The following PBX1 variants were observed in gnomAD, a reference collection of about 807,000 sequenced individuals.
PBX1 encodes the protein pre-B-cell leukemia transcription factor 1.
In PBX1, 6 loss-of-function variants were observed where a neutral mutation model predicts 53.4. That is an observed-to-expected ratio of 0.11 (90% CI 0.06 to 0.22). PBX1 has a LOEUF of 0.22. Ranked by LOEUF, PBX1 falls within the 10% of genes least tolerant of loss-of-function variation. The pLI, the probability that PBX1 is intolerant of heterozygous loss-of-function variation, is 1.00. For synonymous variants in PBX1, 204 were observed against 212.3 expected (o/e 0.96, Z 0.34); for missense variants, 251 against 551.4 (o/e 0.46, Z 5.46).
rs1671688248 is a variant in PBX1, at chr1:164,848,725, C to T, written c.*2049C>T. ...TACTTGGTCCCTGTCACATTGACTGCTTGGGAGGCTTCCAGGGAGAAGTAT... is the reference window on the plus strand; with the variant it reads ...TACTTGGTCCCTGTCACATTGACTGTTTGGGAGGCTTCCAGGGAGAAGTAT... On this transcript the variant is annotated 3_prime_UTR_variant, in exon 9 of 9. Coordinates refer to ENST00000420696, the MANE Select transcript of PBX1 (RefSeq NM_002585.4). The T allele has an allele frequency of 1.9e-6, 2 of 1,057,248 alleles. No homozygotes were observed. Among genetic ancestry groups the T allele is most frequent in the Non-Finnish European group, 2.3e-6 (2 of 874,252 alleles). 65.5% of individuals were successfully genotyped at this position (1,057,248 alleles called of 1,614,324 possible). A position where few individuals can be genotyped will look rare whatever the true frequency, so the allele number is the denominator to read the frequency against.
At chr1:164,610,755 C>G (rs1179035791) in intron 2 of PBX1, among the ~76,000 whole-genome samples, 3 of 152,184 alleles carry the variant, frequency 2.0e-5, no homozygotes, top group African/African-American at 7.2e-5. Context: ...GTGCTTGGCC[C>G]TCCTGCCAAA....
chr1:164,667,995 T>C (rs538598518), intron 2 of PBX1, among the ~76,000 whole-genome samples: 1 of 152,134 alleles, frequency 6.6e-6, no homozygotes, highest in African/African-American at 2.4e-5. Flanking sequence ...CCCTCCAGAG[T>C]GGGTGGAGTG....
At chr1:164,621,922 C>G (rs112510470) in intron 2 of PBX1, among the ~76,000 whole-genome samples, 7 of 151,988 alleles carry the variant, frequency 4.6e-5, no homozygotes, top group Non-Finnish European at 8.8e-5. Flanking sequence ...ACACTAAATA[C>G]GTTCTATAAA....
intron 4 of PBX1, among the ~76,000 whole-genome samples, chr1:164,800,444 T>C (rs1669015152): frequency 6.6e-6 from 1 of 152,186 alleles, no homozygotes; most frequent in East Asian, 1.9e-4. Context: ...GCCAACTTGG[T>C]TTGATGGTTT....
At chr1:164,759,054 C>G (rs139540344) in intron 2 of PBX1, among the ~76,000 whole-genome samples, 83 of 152,332 alleles carry the variant, frequency 5.4e-4, no homozygotes, top group African/African-American at 1.7e-3. Context: ...TCATAATACT[C>G]TCTTGATCCC....
chr1:164,756,189 T>G (rs1367276516), intron 2 of PBX1, among the ~76,000 whole-genome samples: 1 of 152,074 alleles, frequency 6.6e-6, no homozygotes, highest in Non-Finnish European at 1.5e-5. Flanking sequence ...CATTGTCATA[T>G]TATATGAATA....
intron 8 of PBX1, among the ~76,000 whole-genome samples, chr1:164,825,582 A>C (rs1670417063): frequency 6.6e-6 from 1 of 152,238 alleles, no homozygotes. Flanking sequence ...ACTGTCTTTA[A>C]GATCCAAAAA....
chr1:164,730,282 G>A (rs1664907076), intron 2 of PBX1, among the ~76,000 whole-genome samples: 1 of 151,322 alleles, frequency 6.6e-6, no homozygotes, highest in Admixed American at 6.6e-5. Flanking sequence ...GACTGGTGCA[G>A]ATCAGTTACC....
At chr1:164,820,267 C>T in intron 7 of PBX1, 83 bp downstream of exon 7, 1 of 792,792 alleles carries the variant, frequency 1.3e-6, no homozygotes, top group Non-Finnish European at 2.2e-6. Flanking sequence ...TGCTTCTGTC[C>T]AGAGAGAGAG....
chr1:164,726,749 A>T (rs1168714942), intron 2 of PBX1, among the ~76,000 whole-genome samples: 1 of 152,152 alleles, frequency 6.6e-6, no homozygotes, highest in Non-Finnish European at 1.5e-5. Flanking sequence ...TGTACCTCAC[A>T]CTGTGAAACA....
intron 2 of PBX1, among the ~76,000 whole-genome samples, chr1:164,586,418 T>C (rs1654957047): frequency 6.6e-6 from 1 of 152,172 alleles, no homozygotes; most frequent in Non-Finnish European, 1.5e-5. Context: ...TGGAAACATC[T>C]GAGCCCATGT....
At chr1:164,866,214 T>C (rs1246381823) in intron 2 of PBX1, among the ~76,000 whole-genome samples, 1 of 152,228 alleles carries the variant, frequency 6.6e-6, no homozygotes, top group Non-Finnish European at 1.5e-5. Flanking sequence ...TCAAATTGCC[T>C]CTCAATGAAG....
chr1:164,610,501 T>G (rs78334936), intron 2 of PBX1, among the ~76,000 whole-genome samples: 2,691 of 152,188 alleles, frequency 0.018, 26 homozygotes, highest in Middle Eastern at 0.024. Flanking sequence ...GTTAGTGAAT[T>G]AAGCCAGGAA....
At chr1:164,720,226 A>G (rs560037088) in intron 2 of PBX1, among the ~76,000 whole-genome samples, 2 of 152,226 alleles carry the variant, frequency 1.3e-5, no homozygotes, top group East Asian at 1.9e-4. Flanking sequence ...TCCTTCCTTC[A>G]TTGTTCTGCA....
intron 2 of PBX1, among the ~76,000 whole-genome samples, chr1:164,685,385 CA>C: frequency 6.6e-6 from 1 of 152,282 alleles, no homozygotes; most frequent in East Asian, 1.9e-4. Context: ...AGCATAGCAG[CA>C]GCTTATCAAA....
intron 2 of PBX1, among the ~76,000 whole-genome samples, chr1:164,713,626 G>T (rs1026773063): frequency 1.3e-5 from 2 of 152,096 alleles, no homozygotes; most frequent in African/African-American, 4.8e-5. Context: ...TCCTAAGACT[G>T]AAAGAATCAG....
intron 2 of PBX1, among the ~76,000 whole-genome samples, chr1:164,589,796 A>G (rs1177944083): frequency 2.0e-5 from 3 of 152,208 alleles, no homozygotes; most frequent in Non-Finnish European, 4.4e-5. Context: ...TGACTTTTCC[A>G]AGGTCTTATA....
At chr1:164,858,105 T>C (rs913232793) in intron 2 of PBX1, among the ~76,000 whole-genome samples, 8 of 152,126 alleles carry the variant, frequency 5.3e-5, no homozygotes, top group Non-Finnish European at 1.2e-4. Context: ...ATCTTACTCT[T>C]CCTGAAAAAG....
intron 8 of PBX1, among the ~76,000 whole-genome samples, chr1:164,845,523 G>T (rs751680903): frequency 1.1e-4 from 16 of 152,156 alleles, no homozygotes; most frequent in Non-Finnish European, 1.9e-4. Context: ...AATCGAAGGG[G>T]GGAAAGGCAT....
Sources: allele counts gnomAD v4.1 joint callset (sites outside exome capture counted in the v4.1 genomes callset), GRCh38; gene constraint gnomAD v4.1.1; transcripts MANE v1.5; gene names NCBI Gene and HGNC (gene_info 2026-07-23, HGNC 2026-07-21).